BCAR3: variants seen among roughly 807,000 people sequenced by gnomAD.
The protein encoded by BCAR3 is BCAR3 adaptor protein, NSP family member.
BCAR3 carries 37 observed loss-of-function variants against 80.1 expected under a neutral mutation model. The observed-to-expected ratio is 0.46, with a 90% confidence interval of 0.36 to 0.61. The LOEUF is 0.61. Ranked by LOEUF, BCAR3 falls within the 20% of genes least tolerant of loss-of-function variation. BCAR3 has a pLI of 0.00. For synonymous variants in BCAR3, 389 were observed against 418.9 expected (o/e 0.93, Z 0.87); for missense variants, 978 against 1,068.2 (o/e 0.92, Z 1.18).
chr1:93,719,466 G>A (rs1233277308), intron 2 of BCAR3, among the ~76,000 whole-genome samples: 1 of 141,942 alleles, frequency 7.0e-6, no homozygotes. Context: ...TCAGCCTCCC[G>A]AGTAGCTGGG....
At chr1:93,569,308 A>G (rs1673108840) in intron 9 of BCAR3, among the ~76,000 whole-genome samples, 1 of 152,230 alleles carries the variant, frequency 6.6e-6, no homozygotes, top group South Asian at 2.1e-4. Context: ...CCCAGCTGGT[A>G]TGTGGTAGAG....
intron 7 of BCAR3, among the ~76,000 whole-genome samples, chr1:93,578,828 A>C (rs1400183415): frequency 6.6e-6 from 1 of 152,146 alleles, no homozygotes; most frequent in East Asian, 1.9e-4. Context: ...ACACGGATAA[A>C]CACTTAGTGC....
intron 2 of BCAR3, among the ~76,000 whole-genome samples, chr1:93,757,664 C>G (rs1473165340): frequency 6.6e-6 from 1 of 152,222 alleles, no homozygotes; most frequent in Non-Finnish European, 1.5e-5. Flanking sequence ...TCTTCCTCCT[C>G]TGGGTCATTC....
intron 3 of BCAR3, among the ~76,000 whole-genome samples, chr1:93,623,904 C>T (rs1235695365): frequency 6.6e-6 from 1 of 152,124 alleles, no homozygotes; most frequent in African/African-American, 2.4e-5. Context: ...ATATTATACA[C>T]CCATTAATAA....
intron 2 of BCAR3, among the ~76,000 whole-genome samples, chr1:93,840,957 C>T (rs1270369411): frequency 2.0e-5 from 3 of 152,248 alleles, no homozygotes; most frequent in African/African-American, 4.8e-5. Flanking sequence ...GAAAAGAAGA[C>T]GTGCTCCCCC....
intron 2 of BCAR3, among the ~76,000 whole-genome samples, chr1:93,773,356 C>CA (rs35883157): frequency 1.3e-5 from 2 of 152,126 alleles, no homozygotes; most frequent in Admixed American, 1.3e-4. Flanking sequence ...GAATGCTTAA[C>CA]AAAAGCTTCT....
In BCAR3 at chr1:93,584,972, C is replaced by T. The variant is rs1479512238; in HGVS notation, c.930-851G>A. 9.2e-6 allele frequency: 9 copies of T among 982,006 alleles called. No homozygotes were observed. The East Asian group carries it at 1.0e-3, about 112-fold the overall frequency. 60.8% of individuals were successfully genotyped at this position (982,006 alleles called of 1,614,324 possible). ...CAGAAATCACGAAGTTCTTTCCTAC[C>T]TTTACAAGCACCAAAGAAAAAACAA... On this transcript the variant is annotated intron_variant, in intron 5 of 11. Transcript: ENST00000260502.
intron 2 of BCAR3, among the ~76,000 whole-genome samples, chr1:93,778,669 G>C (rs529882114): frequency 7.2e-4 from 110 of 152,250 alleles, no homozygotes; most frequent in African/African-American, 2.6e-3. Flanking sequence ...CCACCTGCCA[G>C]TTCTGGCTCC....
At chr1:93,584,977 C>A in intron 5 of BCAR3, 1 of 983,074 alleles carries the variant, frequency 1.0e-6, no homozygotes. Context: ...CCTACCTTTA[C>A]AAGCACCAAA....
intron 2 of BCAR3, 119 bp downstream of exon 2, chr1:93,674,495 C>T (rs1318616455): frequency 9.1e-7 from 1 of 1,093,352 alleles, no homozygotes; most frequent in East Asian, 2.6e-5. Flanking sequence ...CATGATCCAC[C>T]CATCTCAGCC....
intron 3 of BCAR3, among the ~76,000 whole-genome samples, chr1:93,598,740 GA>G (rs907823573): frequency 3.9e-5 from 6 of 152,180 alleles, no homozygotes; most frequent in African/African-American, 1.4e-4. Flanking sequence ...TTTCCCTGTG[GA>G]AAAATGAGAA....
chr1:93,675,727 A>G (rs545674474), intron 1 of BCAR3, among the ~76,000 whole-genome samples: 6 of 152,148 alleles, frequency 3.9e-5, no homozygotes, highest in Admixed American at 2.6e-4. Flanking sequence ...GGAAGCATGG[A>G]AAGGGAAAGG....
In BCAR3 at chr1:93,571,629, T is replaced by G. The variant is rs757578267; in HGVS notation, c.1974+41A>C. ...TGCCAAACATGGCATGCAGATCTCTTTACAGAACATTAAGTACACATAAAG... is the reference window on the plus strand; with the variant it reads ...TGCCAAACATGGCATGCAGATCTCTGTACAGAACATTAAGTACACATAAAG... On this transcript the variant is annotated intron_variant, in intron 9 of 11. Coordinates refer to ENST00000260502, the MANE Select transcript of BCAR3 (RefSeq NM_003567.4). 3 of 1,608,502 alleles carry G rather than the reference T, an allele frequency of 1.9e-6. No homozygotes were observed. In the South Asian group the frequency reaches 3.3e-5, roughly 18 times the overall value.
chr1:93,567,819 C>T lies in BCAR3; in HGVS notation c.2007G>A (p.Leu669=), dbSNP rs1425221421. The change falls in exon 10 of 12, where the codon CTG becomes CTA. Residue 669 remains leucine (L), a synonymous_variant. Coordinates refer to ENST00000260502, the MANE Select transcript of BCAR3 (RefSeq NM_003567.4). ...TGGCAGTTTGGGTGTACTGGTGCCG[C>T]AGAGCAGTCCACGTCTTTTCTAACC... ...ITRLEKTWTA[L]RHQYTQTAIL... 2 of 1,614,174 alleles carry T rather than the reference C, an allele frequency of 1.2e-6. No homozygotes were observed. The highest frequency in any genetic ancestry group is 1.1e-5 in the South Asian group (1 of 91,084).
intron 3 of BCAR3, among the ~76,000 whole-genome samples, chr1:93,638,512 T>C (rs1340998412): frequency 1.3e-5 from 2 of 152,196 alleles, no homozygotes; most frequent in Non-Finnish European, 1.5e-5. Flanking sequence ...TTGAGCAGTA[T>C]AGAGATAAAA....
intron 2 of BCAR3, among the ~76,000 whole-genome samples, chr1:93,662,457 T>C (rs1054672929): frequency 6.6e-6 from 1 of 152,138 alleles, no homozygotes; most frequent in Middle Eastern, 3.2e-3. Flanking sequence ...TACCAAGATC[T>C]CTTTTTTTTT....
At chr1:93,808,999 C>T (rs11165003) in intron 2 of BCAR3, among the ~76,000 whole-genome samples, 19,121 of 151,844 alleles carry the variant, frequency 0.13, 1,800 homozygotes, top group African/African-American at 0.25. Flanking sequence ...CAAAACAAAG[C>T]GTAAAAGTAT....
intron 5 of BCAR3, chr1:93,585,054 A>C: frequency 1.0e-6 from 1 of 985,508 alleles, no homozygotes; most frequent in African/African-American, 1.7e-5. Context: ...TTTCGAAGAT[A>C]AGACAAGACC....
At chr1:93,679,146 C>CT (rs1648633698) in intron 1 of BCAR3, among the ~76,000 whole-genome samples, 1 of 152,166 alleles carries the variant, frequency 6.6e-6, no homozygotes, top group South Asian at 2.1e-4. Context: ...TAAAAAATGA[C>CT]TTAACAGCTA....
Sources: allele counts gnomAD v4.1 joint callset (sites outside exome capture counted in the v4.1 genomes callset), GRCh38; gene constraint gnomAD v4.1.1; transcripts MANE v1.5; gene names NCBI Gene and HGNC (gene_info 2026-07-23, HGNC 2026-07-21).